Variants in TTC28 observed in about 807,000 individuals in gnomAD.
The protein encoded by TTC28 is tetratricopeptide repeat domain 28.
Under a neutral mutation model 198.0 loss-of-function variants are expected in TTC28, and 61 were observed. The ratio of observed to expected loss-of-function variants is 0.31; its 90% CI spans 0.25 to 0.38. TTC28 has a LOEUF of 0.38. Among genes scored for constraint, TTC28 ranks in the 10% least tolerant of loss-of-function variants. The pLI, the probability that TTC28 is intolerant of heterozygous loss-of-function variation, is 1.00. For synonymous variants in TTC28, 1,171 were observed against 1,297.8 expected, an observed-to-expected ratio of 0.90 and a Z score of 2.10; for missense variants, 2,678 against 3,164.0, an observed-to-expected ratio of 0.85 and a Z score of 3.69.
chr22:28,475,861 C>G (rs760034956), intron 2 of TTC28, among the ~76,000 whole-genome samples: 34 of 152,136 alleles, frequency 2.2e-4, no homozygotes, highest in Non-Finnish European at 4.1e-4. Flanking sequence ...CCAAGCCCAT[C>G]CACTCTCGTA....
At chr22:28,524,265 G>A (rs1389454754) in intron 2 of TTC28, among the ~76,000 whole-genome samples, 9 of 151,500 alleles carry the variant, frequency 5.9e-5, no homozygotes, top group Non-Finnish European at 8.8e-5. Context: ...AGACCATCCC[G>A]GCTAACACGG....
At chr22:28,081,587 G>A (rs1276359303) in intron 12 of TTC28, among the ~76,000 whole-genome samples, 1 of 151,708 alleles carries the variant, frequency 6.6e-6, no homozygotes, top group African/African-American at 2.4e-5. Context: ...CTGCCTCCTG[G>A]GTTCAAGTGA....
Position 27,983,439 on chromosome 22 carries a change from T to G in TTC28, c.6228A>C (p.Thr2076=). ...GTTGTTTGTGGTCTGGTGAGAAGCA[T>G]GTGTTTCGGTTTTCTTGGTAGGTCG... is the stretch of plus-strand genomic sequence containing the variant. ...PLATYQENRN[T]CFSPDHKQPQ... The change falls in exon 23 of 23, where the codon ACA becomes ACC. Residue 2076 remains threonine, a synonymous_variant. Transcript: ENST00000397906. The G allele has an allele frequency of 6.5e-7, 1 of 1,548,214 alleles. No individual in the cohort carries two copies. The highest frequency in any genetic ancestry group is 8.7e-7 in the Non-Finnish European group (1 of 1,146,244).
chr22:28,509,169 C>G (rs940253497), intron 2 of TTC28, among the ~76,000 whole-genome samples: 2 of 145,916 alleles, frequency 1.4e-5, no homozygotes, highest in Non-Finnish European at 3.0e-5. Context: ...CTAGCCTGGG[C>G]AACAAAGTGA....
intron 17 of TTC28, among the ~76,000 whole-genome samples, chr22:27,995,537 A>G (rs1412217360): frequency 6.6e-6 from 1 of 152,114 alleles, no homozygotes; most frequent in Non-Finnish European, 1.5e-5. Flanking sequence ...TTGTGCTCTC[A>G]CCTGGGCTCC....
intron 3 of TTC28, among the ~76,000 whole-genome samples, chr22:28,305,832 G>A (rs1196745792): frequency 6.6e-6 from 1 of 152,102 alleles, no homozygotes; most frequent in Non-Finnish European, 1.5e-5. Context: ...AAGCCAATCT[G>A]TTTTGGGCCT....
chr22:28,396,788 A>G (rs2046825490), intron 2 of TTC28, among the ~76,000 whole-genome samples: 1 of 152,252 alleles, frequency 6.6e-6, no homozygotes, highest in Non-Finnish European at 1.5e-5. Flanking sequence ...TTCTCCAACC[A>G]GACTAAACAA....
intron 2 of TTC28, among the ~76,000 whole-genome samples, chr22:28,602,100 T>C (rs1323885822): frequency 2.0e-5 from 3 of 152,130 alleles, no homozygotes. Flanking sequence ...TTAGGTACTA[T>C]GGGCAAAGGC....
intron 14 of TTC28, chr22:28,006,664 C>T (rs1937940611): frequency 6.6e-6 from 1 of 152,390 alleles, no homozygotes; most frequent in Non-Finnish European, 1.5e-5. Context: ...TGAGCCACCA[C>T]CAAGCAGTTA....
intron 5 of TTC28, among the ~76,000 whole-genome samples, chr22:28,275,371 A>C (rs928011827): frequency 6.6e-6 from 1 of 152,224 alleles, no homozygotes; most frequent in Non-Finnish European, 1.5e-5. Flanking sequence ...ACAGTCTGTT[A>C]ATAAAACAAT....
chr22:28,194,184 T>C (rs887561030), intron 5 of TTC28, among the ~76,000 whole-genome samples: 3 of 152,180 alleles, frequency 2.0e-5, no homozygotes, highest in African/African-American at 4.8e-5. Context: ...CAATGACTAC[T>C]GGGTACATAA....
At chr22:28,403,380 T>C (rs1187525509) in intron 2 of TTC28, among the ~76,000 whole-genome samples, 1 of 152,228 alleles carries the variant, frequency 6.6e-6, no homozygotes, top group East Asian at 1.9e-4. Flanking sequence ...CAGAAGAAGA[T>C]GTGGCTTAGA....
At chr22:28,143,748 A>G (rs1287519563) in intron 6 of TTC28, among the ~76,000 whole-genome samples, 1 of 152,216 alleles carries the variant, frequency 6.6e-6, no homozygotes, top group African/African-American at 2.4e-5. Context: ...TCAAGATCAC[A>G]CAGAAGGTCT....
intron 2 of TTC28, among the ~76,000 whole-genome samples, chr22:28,542,328 GTC>G (rs1242041352): frequency 6.6e-6 from 1 of 152,104 alleles, no homozygotes; most frequent in Non-Finnish European, 1.5e-5. Flanking sequence ...ATATCAAGCA[GTC>G]TACATATATA....
intron 2 of TTC28, among the ~76,000 whole-genome samples, chr22:28,576,856 T>C (rs2050159646): frequency 6.6e-6 from 1 of 152,134 alleles, no homozygotes; most frequent in African/African-American, 2.4e-5. Flanking sequence ...ATTTTATTAT[T>C]TGGGTCTTCT....
At chr22:28,659,829 C>T (rs1340401493) in intron 1 of TTC28, among the ~76,000 whole-genome samples, 4 of 150,784 alleles carry the variant, frequency 2.7e-5, no homozygotes, top group East Asian at 2.0e-4. Flanking sequence ...GACAAGGTCT[C>T]GCTCTGTCAC....
At chr22:28,214,479 A>G (rs909215816) in intron 5 of TTC28, among the ~76,000 whole-genome samples, 1 of 152,252 alleles carries the variant, frequency 6.6e-6, no homozygotes, top group African/African-American at 2.4e-5. Context: ...AAGGATATGA[A>G]CAGACACATC....
At chr22:28,098,820 T>G (rs1942048110) in intron 10 of TTC28, 95 bp downstream of exon 10, 1 of 1,424,220 alleles carries the variant, frequency 7.0e-7, no homozygotes, top group Non-Finnish European at 9.4e-7. Flanking sequence ...AAATCATATT[T>G]CTTCACCGCT....
At chr22:28,062,413 C>CTT (rs57398979) in intron 12 of TTC28, among the ~76,000 whole-genome samples, 30 of 102,304 alleles carry the variant, frequency 2.9e-4, no homozygotes, top group African/African-American at 5.5e-4. Context: ...TTTAACTCTT[C>CTT]TTTTTTTTTT....
Sources: gnomAD v4.1 joint callset for allele counts (sites outside exome capture counted in the v4.1 genomes callset) on GRCh38, gnomAD v4.1.1 for gene constraint, MANE v1.5 for transcripts, NCBI Gene and HGNC (gene_info 2026-07-23, HGNC 2026-07-21) for gene names.